OPHN1: variants seen among roughly 807,000 people sequenced by gnomAD.
The protein encoded by OPHN1 is oligophrenin 1.
OPHN1 carries 11 observed loss-of-function variants against 60.7 expected under a neutral mutation model. The ratio of observed to expected loss-of-function variants is 0.18; its 90% CI spans 0.11 to 0.30. OPHN1 has a LOEUF of 0.30. Ranked by LOEUF, OPHN1 falls within the 10% of genes least tolerant of loss-of-function variation. OPHN1 has a pLI of 1.00. For synonymous variants in OPHN1, 226 were observed against 222.6 expected (o/e 1.02, Z -0.14); for missense variants, 449 against 611.0 (o/e 0.73, Z 2.80).
chrX:68,283,011 A>G (rs1202404223), intron 4 of OPHN1, 45 bp downstream of exon 4: 10 of 1,037,976 alleles, frequency 9.6e-6, no homozygotes, highest in Non-Finnish European at 1.4e-5. Flanking sequence ...AAAATCCCCT[A>G]TATCACCCAT....
chrX:68,266,766 C>A (rs762207172), intron 5 of OPHN1, among the ~76,000 whole-genome samples: 1 of 111,238 alleles, frequency 9.0e-6, no homozygotes, highest in African/African-American at 3.3e-5. Flanking sequence ...CATCAGTGTG[C>A]TGTATTCAGG....
intron 15 of OPHN1, among the ~76,000 whole-genome samples, chrX:68,189,333 CT>C (rs753502065): frequency 1.8e-5 from 2 of 111,570 alleles, no homozygotes; most frequent in South Asian, 7.6e-4. Context: ...AAACAGAACT[CT>C]TTTTTTATGA....
At chrX:68,075,779 C>CAAA (rs35536405) in intron 19 of OPHN1, among the ~76,000 whole-genome samples, 7 of 39,849 alleles carry the variant, frequency 1.8e-4, no homozygotes, top group African/African-American at 3.6e-4. Flanking sequence ...TATACATAGG[C>CAAA]AAAAAAAAAA....
At chrX:68,384,861 G>A (rs1004534982) in intron 2 of OPHN1, among the ~76,000 whole-genome samples, 4 of 111,481 alleles carry the variant, frequency 3.6e-5, no homozygotes, top group Non-Finnish European at 7.5e-5. Flanking sequence ...TAAGCTACGA[G>A]GATGCAAAGG....
intron 2 of OPHN1, among the ~76,000 whole-genome samples, chrX:68,351,689 T>C (rs962438347): frequency 8.2e-5 from 9 of 110,184 alleles, no homozygotes; most frequent in African/African-American, 3.0e-4. Context: ...GTTTTCTGGT[T>C]TTTTGTTGTT....
chrX:68,373,754 T>C (rs1225345230), intron 2 of OPHN1, among the ~76,000 whole-genome samples: 1 of 111,883 alleles, frequency 8.9e-6, no homozygotes, highest in Admixed American at 9.6e-5. Flanking sequence ...TATATGTAAA[T>C]AGTAGTCTGG....
rs768326078 is a variant in OPHN1, at chrX:68,101,082, C to T, written c.1527-4053G>A. Reference sequence around the variant, plus strand: ...TTTTTTAAAGGGCTGACAGCTTTGGCTTCCTCCACTGGTGTTATATTATCT... The same window carrying T: ...TTTTTTAAAGGGCTGACAGCTTTGGTTTCCTCCACTGGTGTTATATTATCT... On this transcript the variant is annotated intron_variant, in intron 18 of 24. Transcript: ENST00000355520. Among the ~76,000 whole-genome samples the T allele has an allele frequency of 2.7e-5, 3 of 111,907 alleles. No individual in the cohort carries two copies. In the East Asian group the frequency reaches 8.4e-4, roughly 31 times the overall value.
intron 15 of OPHN1, among the ~76,000 whole-genome samples, chrX:68,146,402 C>T (rs1256319849): frequency 8.9e-6 from 1 of 112,054 alleles, no homozygotes; most frequent in African/African-American, 3.2e-5. Flanking sequence ...AGTGAGATAA[C>T]TGGATTACAA....
intron 23 of OPHN1, among the ~76,000 whole-genome samples, chrX:68,051,599 C>T (rs1317597195): frequency 9.0e-6 from 1 of 110,909 alleles, no homozygotes; most frequent in African/African-American, 3.3e-5. Flanking sequence ...GGCCCTAAGG[C>T]TGTTTATCTT....
chrX:68,347,120 T>C (rs1025999219), intron 2 of OPHN1, among the ~76,000 whole-genome samples: 1 of 111,444 alleles, frequency 9.0e-6, no homozygotes, highest in Non-Finnish European at 1.9e-5. Context: ...CAGTGTCTTT[T>C]AGTATTGGAG....
intron 3 of OPHN1, among the ~76,000 whole-genome samples, chrX:68,286,370 T>G (rs1355538197): frequency 8.9e-6 from 1 of 111,802 alleles, no homozygotes; most frequent in Non-Finnish European, 1.9e-5. Flanking sequence ...CTGTGTATTG[T>G]GGGGTGTGCC....
At chrX:68,063,613 C>T (rs1196912210) in intron 21 of OPHN1, among the ~76,000 whole-genome samples, 2 of 111,796 alleles carry the variant, frequency 1.8e-5, no homozygotes, top group Non-Finnish European at 3.8e-5. Flanking sequence ...TAGTACAGTG[C>T]CAGGCACATA....
intron 2 of OPHN1, among the ~76,000 whole-genome samples, chrX:68,328,364 G>C (rs898039725): frequency 2.1e-5 from 2 of 97,187 alleles, no homozygotes; most frequent in Non-Finnish European, 4.2e-5. Flanking sequence ...TCCTGACCTC[G>C]TGATCCGCCC....
At chrX:68,353,799 G>C (rs913961530) in intron 2 of OPHN1, among the ~76,000 whole-genome samples, 26 of 111,357 alleles carry the variant, frequency 2.3e-4, no homozygotes, top group African/African-American at 8.1e-4. Context: ...AACCATGACT[G>C]TTTTAATATA....
intron 3 of OPHN1, among the ~76,000 whole-genome samples, chrX:68,298,565 A>T (rs897396971): frequency 8.9e-6 from 1 of 111,763 alleles, no homozygotes; most frequent in African/African-American, 3.2e-5. Flanking sequence ...GTTAAATCCA[A>T]TTCCCAAGAG....
At chrX:68,267,170 A>G (rs2077934619) in intron 5 of OPHN1, among the ~76,000 whole-genome samples, 1 of 111,552 alleles carries the variant, frequency 9.0e-6, no homozygotes, top group African/African-American at 3.3e-5. Context: ...GCTCTGCAGC[A>G]AGCAGACCTA....
intron 5 of OPHN1, among the ~76,000 whole-genome samples, chrX:68,248,936 C>G (rs1213523209): frequency 9.0e-6 from 1 of 111,400 alleles, no homozygotes; most frequent in Non-Finnish European, 1.9e-5. Context: ...AAGATGCTTA[C>G]CAGAGGCTGG....
At position 68,416,055 on chromosome X, in the gene OPHN1, TATATATATATATAG is replaced by T. The variant is rs1160594542; in HGVS notation, c.154+16798_154+16811del. Among the ~76,000 whole-genome samples the T allele has an allele frequency of 7.6e-3, 67 of 8,769 alleles. 1 individual carries two copies. The highest frequency in any genetic ancestry group is 9.5e-3 in the African/African-American group (65 of 6,855). The allele number at this position is 8,769 out of a possible 115,157, so 7.6% of individuals were successfully genotyped here. Reference sequence around the variant, plus strand: ...TATAATATATATATATATATATATATATATATATATATAGAGAGAGAGAGAGAGAGAGAGAGAGA... The same window carrying T: ...TATAATATATATATATATATATATATAGAGAGAGAGAGAGAGAGAGAGAGA... On this transcript the variant is annotated intron_variant, in intron 2 of 24. Coordinates refer to ENST00000355520, the MANE Select transcript of OPHN1 (RefSeq NM_002547.3).
intron 18 of OPHN1, among the ~76,000 whole-genome samples, chrX:68,098,971 A>G (rs1320019110): frequency 1.8e-5 from 2 of 111,192 alleles, no homozygotes; most frequent in Non-Finnish European, 3.8e-5. Flanking sequence ...TTGCTCCCCA[A>G]GTCTTATAGT....
Sources: allele counts gnomAD v4.1 joint callset (sites outside exome capture counted in the v4.1 genomes callset), GRCh38; gene constraint gnomAD v4.1.1; transcripts MANE v1.5; gene names NCBI Gene and HGNC (gene_info 2026-07-23, HGNC 2026-07-21).